Variants in YTHDC2 observed in about 807,000 individuals in gnomAD.
YTHDC2 encodes 3'-5' RNA helicase YTHDC2.
YTHDC2 carries 45 observed loss-of-function variants against 174.9 expected under a neutral mutation model. The observed-to-expected ratio is 0.26, with a 90% CI of 0.20 to 0.33. The LOEUF (loss-of-function observed/expected upper bound fraction) is 0.33, where lower values mean the gene tolerates loss of function less well. Among genes scored for constraint, YTHDC2 ranks in the 10% least tolerant of loss-of-function variants. YTHDC2 has a pLI of 1.00. For missense variants in YTHDC2, 1,650 were observed against 1,723.7 expected, an observed-to-expected ratio of 0.96 and a Z score of 0.76; for synonymous variants, 657 against 574.5, an observed-to-expected ratio of 1.14 and a Z score of -2.05.
At chr5:113,514,138 G>A (rs1580455487) in intron 1 of YTHDC2, 56 bp downstream of exon 1, 3 of 1,559,742 alleles carry the variant, frequency 1.9e-6, no homozygotes, top group East Asian at 4.7e-5. Flanking sequence ...TCACCCCAGC[G>A]CCCCCCAAAC....
intron 18 of YTHDC2, among the ~76,000 whole-genome samples, chr5:113,561,455 A>G (rs997898962): frequency 2.1e-5 from 3 of 141,898 alleles, no homozygotes; most frequent in Non-Finnish European, 3.0e-5. Context: ...CTATCTATCT[A>G]TCTATCTATC....
chr5:113,529,719 C>T (rs1774523285), intron 4 of YTHDC2, among the ~76,000 whole-genome samples: 1 of 151,620 alleles, frequency 6.6e-6, no homozygotes. Flanking sequence ...TTTTAGAGTG[C>T]TTTATTATAT....
At chr5:113,580,513 A>G (rs113833744) in intron 24 of YTHDC2, among the ~76,000 whole-genome samples, 4 of 152,084 alleles carry the variant, frequency 2.6e-5, no homozygotes, top group African/African-American at 7.2e-5. Context: ...ATCATTCTCT[A>G]TACATTTTTG....
At chr5:113,526,826 A>AAAAATATATAT (rs754909013) in intron 4 of YTHDC2, 41 bp downstream of exon 4, 4 of 141,582 alleles carry the variant, frequency 2.8e-5, no homozygotes, top group African/African-American at 1.4e-4. Context: ...AAAAAAAAAA[A>AAAAATATATAT]ATATATATAT....
intron 2 of YTHDC2, among the ~76,000 whole-genome samples, chr5:113,523,515 C>T (rs576529610): frequency 6.6e-6 from 1 of 152,006 alleles, no homozygotes; most frequent in South Asian, 2.1e-4. Flanking sequence ...TTATAGAGAA[C>T]ATTTATGGAA....
chr5:113,526,276 G>A (rs1774230480), intron 3 of YTHDC2, among the ~76,000 whole-genome samples: 2 of 151,730 alleles, frequency 1.3e-5, no homozygotes, highest in South Asian at 4.2e-4. Flanking sequence ...ATTTTTAATG[G>A]TTATTGAATG....
chr5:113,532,837 T>C (rs746470523), intron 4 of YTHDC2, 42 bp from the exon 5 acceptor site: 4 of 1,554,586 alleles, frequency 2.6e-6, no homozygotes, highest in Non-Finnish European at 3.5e-6. Flanking sequence ...TTTTGTATTA[T>C]GTGATCATGT....
At chr5:113,522,127 TTTTTTTG>T (rs1773908445) in intron 2 of YTHDC2, among the ~76,000 whole-genome samples, 3 of 94,116 alleles carry the variant, frequency 3.2e-5, no homozygotes, top group African/African-American at 6.8e-5. Context: ...GAATGCCTGT[TTTTTTTG>T]TTTTTTGTTT....
chr5:113,552,871 G>T (rs147958331), intron 12 of YTHDC2, among the ~76,000 whole-genome samples: 1 of 152,012 alleles, frequency 6.6e-6, no homozygotes, highest in Non-Finnish European at 1.5e-5. Context: ...GTGTGAAGTG[G>T]TATTTCATTG....
chr5:113,530,925 C>T (rs1267544477), intron 4 of YTHDC2, among the ~76,000 whole-genome samples: 1 of 152,078 alleles, frequency 6.6e-6, no homozygotes, highest in African/African-American at 2.4e-5. Flanking sequence ...TTCATTTCTT[C>T]TTCATTTTTG....
intron 7 of YTHDC2, among the ~76,000 whole-genome samples, chr5:113,538,119 G>A (rs1775208732): frequency 1.3e-5 from 2 of 151,872 alleles, no homozygotes; most frequent in African/African-American, 4.8e-5. Context: ...ATATAATGCT[G>A]AGTTCTACGG....
At chr5:113,579,000 TG>T (rs1204401223) in intron 23 of YTHDC2, among the ~76,000 whole-genome samples, 9 of 152,114 alleles carry the variant, frequency 5.9e-5, no homozygotes, top group Non-Finnish European at 8.8e-5. Flanking sequence ...CACCTAATTT[TG>T]TAGATAGATT....
At chr5:113,515,385 T>G (rs1773342010) in intron 2 of YTHDC2, 23 bp downstream of exon 2, 1 of 1,579,166 alleles carries the variant, frequency 6.3e-7, no homozygotes, top group Admixed American at 1.9e-5. Context: ...CTTTTCTTAT[T>G]TTTTTTAAAA....
chr5:113,516,801 A>C (rs955498763), intron 2 of YTHDC2, among the ~76,000 whole-genome samples: 1 of 152,220 alleles, frequency 6.6e-6, no homozygotes, highest in African/African-American at 2.4e-5. Flanking sequence ...GATGGTCCCA[A>C]AGTGAAAGCA....
chr5:113,524,917 G>A (rs1774112349), intron 2 of YTHDC2, 64 bp from the exon 3 acceptor site: 2 of 1,163,696 alleles, frequency 1.7e-6, no homozygotes. Flanking sequence ...TTCTAAGTGG[G>A]CATACATCAT....
In YTHDC2 at chr5:113,575,351, A is replaced by G. The variant is rs115995742; in HGVS notation, c.3245-4235A>G. 6.7e-3 allele frequency among the ~76,000 whole-genome samples: 1,016 copies of G among 152,338 alleles called. 7 individuals are homozygous for G. The highest frequency in any genetic ancestry group is 0.023 in the African/African-American group (946 of 41,580). On this transcript the variant is annotated intron_variant, in intron 23 of 29. Coordinates refer to ENST00000161863, the MANE Select transcript of YTHDC2 (RefSeq NM_022828.5). ...TAACAGTGTGTGTCTGTCCTTAGGAATTTACACAGTAGTGAGGGTAGACAG... is the reference window on the plus strand; with the variant it reads ...TAACAGTGTGTGTCTGTCCTTAGGAGTTTACACAGTAGTGAGGGTAGACAG...
chr5:113,528,705 C>T (rs1412534502), intron 4 of YTHDC2, among the ~76,000 whole-genome samples: 1 of 152,132 alleles, frequency 6.6e-6, no homozygotes, highest in Non-Finnish European at 1.5e-5. Flanking sequence ...GACGAGGTTT[C>T]AACATGTTGC....
chr5:113,526,109 ATTTTC>A (rs1204999111), intron 3 of YTHDC2, among the ~76,000 whole-genome samples: 3 of 151,976 alleles, frequency 2.0e-5, no homozygotes, highest in East Asian at 1.9e-4. Context: ...TATATGGGAT[ATTTTC>A]TTTTTTTTGT....
chr5:113,549,016 T>A lies in YTHDC2; in HGVS notation c.1684T>A (p.Tyr562Asn). 2 of 1,612,016 alleles carry A rather than the reference T, an allele frequency of 1.2e-6. No homozygotes were observed. Among genetic ancestry groups the A allele is most frequent in the Non-Finnish European group, 1.7e-6 (2 of 1,178,716 alleles). Reference protein sequence around the residue: ...QTEIVDLLESYSATLEFGNLD... With the variant: ...QTEIVDLLESNSATLEFGNLD... Reference sequence around the variant, plus strand: ...TGAAATTGTGGATCTTCTAGAATCTTACAGGTAAAACTTTGTACTATTTTA... The same window carrying A: ...TGAAATTGTGGATCTTCTAGAATCTAACAGGTAAAACTTTGTACTATTTTA... Residue 562 changes from tyrosine (Y) to asparagine (N), a missense_variant, in exon 12 of 30, where the codon TAC (tyrosine) becomes AAC (asparagine). Physicochemically the swap from Tyr to Asn is moderately radical, Grantham distance 143. This residue lies in a region of YTHDC2 where 411 missense variants were observed against 380.6 expected (regional missense o/e 1.08). Transcript: ENST00000161863.
Sources: allele counts gnomAD v4.1 joint callset (sites outside exome capture counted in the v4.1 genomes callset), GRCh38; gene constraint gnomAD v4.1.1; regional missense constraint gnomAD v4.1.1; transcripts MANE v1.5; gene names NCBI Gene and HGNC (gene_info 2026-07-23, HGNC 2026-07-21).